Variants in KDM4C observed in about 807,000 individuals in gnomAD.
KDM4C encodes the protein lysine demethylase 4C.
In KDM4C, 81 loss-of-function variants were observed where a neutral mutation model predicts 129.3. That is an observed-to-expected ratio of 0.63 (90% CI 0.52 to 0.75). The LOEUF is 0.75. KDM4C is among the 30% of genes least tolerant of loss of function. The pLI, the probability that KDM4C is intolerant of heterozygous loss-of-function variation, is 0.00. For synonymous variants in KDM4C, 573 were observed against 456.1 expected (o/e 1.26, Z -3.26); for missense variants, 1,457 against 1,304.0 (o/e 1.12, Z -1.81).
intron 3 of KDM4C, among the ~76,000 whole-genome samples, chr9:6,807,705 G>A (rs1331828654): frequency 1.3e-5 from 2 of 148,934 alleles, no homozygotes; most frequent in Non-Finnish European, 3.0e-5. Context: ...CGTCTGAGAA[G>A]TGAGGAGCCT....
chr9:6,955,173 C>T (rs1828851911), intron 8 of KDM4C, among the ~76,000 whole-genome samples: 1 of 152,144 alleles, frequency 6.6e-6, no homozygotes, highest in South Asian at 2.1e-4. Flanking sequence ...GAATGCCTCT[C>T]TATATTTTAG....
intron 12 of KDM4C, among the ~76,000 whole-genome samples, chr9:7,011,382 C>T (rs1301920858): frequency 6.6e-6 from 1 of 152,068 alleles, no homozygotes. Context: ...GGAGCTTTTA[C>T]CGTAGCAGTA....
upstream of KDM4C, among the ~76,000 whole-genome samples, chr9:6,755,042 C>T (rs542691497): frequency 4.6e-5 from 7 of 151,980 alleles, no homozygotes; most frequent in South Asian, 2.1e-4. Flanking sequence ...GTTTGAGACC[C>T]GCCTGGCCAA....
chr9:6,863,894 C>T (rs1375379539), intron 5 of KDM4C, among the ~76,000 whole-genome samples: 4 of 151,914 alleles, frequency 2.6e-5, no homozygotes, highest in Non-Finnish European at 5.9e-5. Flanking sequence ...CACCCATTAC[C>T]GTGAAGATGG....
At chr9:6,743,187 C>G (rs113766226) in intron 1 of KDM4C, among the ~76,000 whole-genome samples, 1 of 152,132 alleles carries the variant, frequency 6.6e-6, no homozygotes, top group Non-Finnish European at 1.5e-5. Context: ...GGTAATCAAT[C>G]AATCCTCTTG....
chr9:7,170,452 A>G, intron 21 of KDM4C: 1 of 987,032 alleles, frequency 1.0e-6, no homozygotes, highest in Non-Finnish European at 1.2e-6. Context: ...CAGTTTTTTA[A>G]AAAGGAAATA....
intron 1 of KDM4C, among the ~76,000 whole-genome samples, chr9:6,742,184 G>T (rs1307788136): frequency 1.3e-5 from 2 of 149,222 alleles, no homozygotes; most frequent in African/African-American, 2.6e-5. Context: ...TGTTAGTCAG[G>T]CTGGTCTTTT....
intron 8 of KDM4C, among the ~76,000 whole-genome samples, chr9:6,964,232 C>G (rs761400859): frequency 6.8e-6 from 1 of 146,562 alleles, no homozygotes; most frequent in African/African-American, 2.5e-5. Context: ...ATTGCTATCC[C>G]TCCCCCCTCC....
At chr9:6,796,777 T>C (rs971342750) in intron 2 of KDM4C, among the ~76,000 whole-genome samples, 2 of 152,218 alleles carry the variant, frequency 1.3e-5, no homozygotes, top group Admixed American at 1.3e-4. Flanking sequence ...ACGAACTGTT[T>C]CAAATCATTT....
At chr9:7,002,923 C>G (rs146771240) in intron 12 of KDM4C, among the ~76,000 whole-genome samples, 143 of 152,308 alleles carry the variant, frequency 9.4e-4, no homozygotes, top group Non-Finnish European at 1.6e-3. Context: ...TGCGGTGGCA[C>G]GATCTCGGCT....
intron 15 of KDM4C, among the ~76,000 whole-genome samples, chr9:7,025,657 A>T (rs1448046236): frequency 6.6e-6 from 1 of 152,184 alleles, no homozygotes; most frequent in Non-Finnish European, 1.5e-5. Flanking sequence ...AAAGCTCTAC[A>T]CTTTAGCCTC....
chr9:6,829,426 C>A (rs1163253214), intron 4 of KDM4C, among the ~76,000 whole-genome samples: 1 of 152,278 alleles, frequency 6.6e-6, no homozygotes, highest in East Asian at 1.9e-4. Context: ...GGAGAAAGAA[C>A]ATGAAACTCA....
At chr9:6,842,321 T>TC (rs1554714642) in intron 4 of KDM4C, among the ~76,000 whole-genome samples, 4 of 137,980 alleles carry the variant, frequency 2.9e-5, no homozygotes, top group African/African-American at 1.1e-4. Flanking sequence ...TCTTTTTTTT[T>TC]TTTTTTTTTT....
intron 2 of KDM4C, among the ~76,000 whole-genome samples, chr9:6,795,656 C>G (rs888449902): frequency 2.0e-5 from 3 of 151,806 alleles, no homozygotes; most frequent in African/African-American, 7.3e-5. Flanking sequence ...AGTTCATGCC[C>G]TTCCTAGAAA....
intron 8 of KDM4C, chr9:6,925,707 CT>C: frequency 2.2e-6 from 2 of 895,720 alleles, no homozygotes; most frequent in Non-Finnish European, 2.7e-6. Context: ...GTTTTTCTTT[CT>C]TTTTTTCATT....
intron 8 of KDM4C, among the ~76,000 whole-genome samples, chr9:6,916,603 C>A (rs757810152): frequency 6.6e-6 from 1 of 152,084 alleles, no homozygotes; most frequent in African/African-American, 2.4e-5. Context: ...AGATGAAATT[C>A]TTTTTCTTTA....
At chr9:7,174,524 T>G (rs1402879850) in intron 21 of KDM4C, 29 bp from the exon 22 acceptor site, 6 of 1,609,616 alleles carry the variant, frequency 3.7e-6, no homozygotes, top group Non-Finnish European at 4.3e-6. Flanking sequence ...TGCCGTGCCC[T>G]TTTGCAATAT....
At chr9:6,898,537 G>T (rs1816829542) in intron 8 of KDM4C, among the ~76,000 whole-genome samples, 1 of 152,120 alleles carries the variant, frequency 6.6e-6, no homozygotes, top group Non-Finnish European at 1.5e-5. Flanking sequence ...CTGCAGAGCT[G>T]GGAATGTTCT....
rs181915217 is a variant in KDM4C, at chr9:6,734,057, G to A, written c.49+13060G>A. Among the ~76,000 whole-genome samples the A allele has an allele frequency of 2.7e-3, 417 of 152,230 alleles. 2 individuals carry two copies. Among genetic ancestry groups the A allele is most frequent in the South Asian group, 0.017 (80 of 4,820 alleles). ...TATGTCATCCTGTGACTTAGAATGCGTTAACCGTCTGAGAATGCAGCCCAG... is the reference window on the plus strand; with the variant it reads ...TATGTCATCCTGTGACTTAGAATGCATTAACCGTCTGAGAATGCAGCCCAG... On this transcript the variant is annotated intron_variant, in intron 1 of 17. Transcript: ENST00000536108.
Sources: gnomAD v4.1 joint callset for allele counts (sites outside exome capture counted in the v4.1 genomes callset) on GRCh38, gnomAD v4.1.1 for gene constraint, MANE v1.5 for transcripts, NCBI Gene and HGNC (gene_info 2026-07-23, HGNC 2026-07-21) for gene names.